CELF4: variants seen among roughly 807,000 people sequenced by gnomAD.
CELF4 encodes CUGBP Elav-like family member 4.
In CELF4, 18 loss-of-function variants were observed where a neutral mutation model predicts 59.9. The observed-to-expected ratio is 0.30, with a 90% CI of 0.21 to 0.45. The LOEUF is 0.45. Among genes scored for constraint, CELF4 ranks in the 20% least tolerant of loss-of-function variants. The pLI is 1.00. For missense variants in CELF4, 456 were observed against 689.0 expected (o/e 0.66, Z 3.79); for synonymous variants, 261 against 267.1 (o/e 0.98, Z 0.22).
chr18:37,360,961 A>T (rs1471530972), intron 2 of CELF4, among the ~76,000 whole-genome samples: 1 of 152,212 alleles, frequency 6.6e-6, no homozygotes, highest in Non-Finnish European at 1.5e-5. Flanking sequence ...AGGAAGGCAC[A>T]TGTTATAAAA....
chr18:37,408,617 C>T (rs2187051), intron 2 of CELF4, among the ~76,000 whole-genome samples: 89,337 of 151,752 alleles, frequency 0.59, 28,758 homozygotes, highest in South Asian at 0.82. Flanking sequence ...GAATTGGAGG[C>T]AGAGTTGGGA....
At chr18:37,250,939 G>A (rs964487026) in intron 12 of CELF4, among the ~76,000 whole-genome samples, 2 of 152,158 alleles carry the variant, frequency 1.3e-5, no homozygotes, top group Non-Finnish European at 2.9e-5. Flanking sequence ...GTGGTTAGAT[G>A]GCTGACCCCA....
At chr18:37,369,431 C>T (rs2098831599) in intron 2 of CELF4, among the ~76,000 whole-genome samples, 1 of 152,178 alleles carries the variant, frequency 6.6e-6, no homozygotes, top group East Asian at 1.9e-4. Context: ...CAAATGTCAC[C>T]TTTGCCCAGG....
At chr18:37,283,418 G>A (rs1053894226) in intron 3 of CELF4, among the ~76,000 whole-genome samples, 2 of 152,008 alleles carry the variant, frequency 1.3e-5, no homozygotes, top group African/African-American at 2.4e-5. Flanking sequence ...CATGTAAGGG[G>A]CTACACAGGC....
At chr18:37,351,795 G>A (rs2098447757) in intron 2 of CELF4, among the ~76,000 whole-genome samples, 1 of 151,916 alleles carries the variant, frequency 6.6e-6, no homozygotes, top group African/African-American at 2.4e-5. Context: ...TGTATTTTTA[G>A]TAGAGACAGG....
At position 37,508,206 on chromosome 18, in the gene CELF4, C is replaced by T. The variant is rs190554535; in HGVS notation, c.287-22599G>A. ...CAGGCTGGGCTTGATCACCGCATCT[C>T]TAAGGCCAGACTAAGACATTGGAAG... On this transcript the variant is annotated intron_variant, in intron 1 of 12. Transcript: ENST00000420428. 1.3e-3 allele frequency among the ~76,000 whole-genome samples: 193 copies of T among 152,314 alleles called. 1 individual carries two copies. Among genetic ancestry groups the T allele is most frequent in the Middle Eastern group, 3.4e-3 (1 of 294 alleles).
chr18:37,298,777 G>T (rs1347923853), intron 3 of CELF4, among the ~76,000 whole-genome samples: 2 of 151,268 alleles, frequency 1.3e-5, no homozygotes, highest in African/African-American at 4.9e-5. Context: ...GATCTGATAG[G>T]ATCCTCCCCT....
In CELF4 at chr18:37,565,516, G is replaced by T; in HGVS notation, c.126C>A (p.Asn42Lys). 1 of 1,614,170 alleles carries T rather than the reference G, an allele frequency of 6.2e-7. No homozygotes were observed. The highest frequency in any genetic ancestry group is 1.1e-5 in the South Asian group (1 of 91,074). The change falls in exon 1 of 13, where the codon AAC becomes AAA. Residue 42 changes from asparagine (N) to lysine (K), a missense_variant. Asn to Lys is a moderately conservative substitution (Grantham distance 94). This residue lies in a region of CELF4 where 70 missense variants were observed against 69.5 expected (regional missense o/e 1.01). Coordinates refer to ENST00000420428, the MANE Select transcript of CELF4 (RefSeq NM_020180.4). ...HMNGLSHSPG[N>K]PSTIPMKDHD... is the part of the protein sequence containing the mutation. ...GGTCCTTCATGGGAATGGTCGACGG[G>T]TTCCCCGGGCTGTGGCTTAATCCGT...
chr18:37,274,950 G>A, intron 4 of CELF4, 66 bp from the exon 5 acceptor site: 3 of 1,572,950 alleles, frequency 1.9e-6, no homozygotes, highest in Non-Finnish European at 8.6e-7. Flanking sequence ...GGGAGGAGAG[G>A]GCGCATCCCA....
At chr18:37,373,091 G>A (rs1345745247) in intron 2 of CELF4, among the ~76,000 whole-genome samples, 7 of 152,228 alleles carry the variant, frequency 4.6e-5, no homozygotes, top group Non-Finnish European at 8.8e-5. Flanking sequence ...TGTTACAGAT[G>A]AGACACCAAG....
intron 6 of CELF4, chr18:37,274,108 T>C: frequency 7.2e-7 from 1 of 1,390,642 alleles, no homozygotes. Flanking sequence ...CACCTCCTCC[T>C]GGCAGCCACC....
At chr18:37,382,029 C>T (rs558050457) in intron 2 of CELF4, among the ~76,000 whole-genome samples, 3 of 152,174 alleles carry the variant, frequency 2.0e-5, no homozygotes, top group Non-Finnish European at 4.4e-5. Flanking sequence ...GTTAAAGGCT[C>T]ACTCTTTATG....
At chr18:37,470,873 T>TGACAGA (rs1569569543) in intron 2 of CELF4, among the ~76,000 whole-genome samples, 24 of 104,112 alleles carry the variant, frequency 2.3e-4, no homozygotes, top group Non-Finnish European at 3.9e-4. Flanking sequence ...TGTGTGTGTG[T>TGACAGA]GTGTGTGTGT....
chr18:37,408,307 T>A (rs1284719614), intron 2 of CELF4, among the ~76,000 whole-genome samples: 2 of 152,182 alleles, frequency 1.3e-5, no homozygotes, highest in Non-Finnish European at 2.9e-5. Context: ...GGAAGCCTCC[T>A]TCTTTGAGTT....
chr18:37,556,689 T>C (rs2154606107), intron 1 of CELF4, among the ~76,000 whole-genome samples: 1 of 152,228 alleles, frequency 6.6e-6, no homozygotes, highest in African/African-American at 2.4e-5. Context: ...ACAGCCTCAC[T>C]TGTCATGGAT....
intron 1 of CELF4, 29 bp from the exon 2 acceptor site, chr18:37,485,636 G>T: frequency 7.3e-7 from 1 of 1,368,972 alleles, no homozygotes; most frequent in African/African-American, 1.5e-5. Flanking sequence ...GCCAAGAAGG[G>T]TCAGTGGGGC....
chr18:37,548,881 C>G (rs755154963), intron 1 of CELF4, among the ~76,000 whole-genome samples: 1 of 152,202 alleles, frequency 6.6e-6, no homozygotes, highest in Non-Finnish European at 1.5e-5. Flanking sequence ...AGGCAGTGTC[C>G]AAGGCACGAA....
chr18:37,275,376 G>A, intron 3 of CELF4, 133 bp from the exon 4 acceptor site: 1 of 618,504 alleles, frequency 1.6e-6, no homozygotes, highest in Non-Finnish European at 2.5e-6. Context: ...AGCCGGCGGG[G>A]GAGAGGTGCG....
At chr18:37,430,029 C>T (rs1295393998) in intron 2 of CELF4, among the ~76,000 whole-genome samples, 1 of 152,244 alleles carries the variant, frequency 6.6e-6, no homozygotes, top group Non-Finnish European at 1.5e-5. Context: ...TCAGGCACCT[C>T]CTCCTTCAGC....
Sources: allele counts gnomAD v4.1 joint callset (sites outside exome capture counted in the v4.1 genomes callset), GRCh38; gene constraint gnomAD v4.1.1; regional missense constraint gnomAD v4.1.1; transcripts MANE v1.5; gene names NCBI Gene and HGNC (gene_info 2026-07-23, HGNC 2026-07-21).